Variants in CEP170B observed in about 807,000 individuals in gnomAD.
CEP170B encodes the protein centrosomal protein 170B.
Under a neutral mutation model 120.6 loss-of-function variants are expected in CEP170B, and 55 were observed. That is an observed-to-expected ratio of 0.46 (90% CI 0.37 to 0.57). CEP170B has a LOEUF of 0.57. Among genes scored for constraint, CEP170B ranks in the 20% least tolerant of loss-of-function variants. The pLI, the probability that CEP170B is intolerant of heterozygous loss-of-function variation, is 0.00. For missense variants in CEP170B, 2,212 were observed against 2,253.3 expected (o/e 0.98, Z 0.37); for synonymous variants, 1,033 against 954.5 (o/e 1.08, Z -1.52).
intron 6 of CEP170B, among the ~76,000 whole-genome samples, chr14:104,881,103 G>A (rs538061261): frequency 1.6e-4 from 25 of 152,324 alleles, no homozygotes; most frequent in Middle Eastern, 3.4e-3. Context: ...TCTGCAGACC[G>A]AGCCAGCAGG....
At position 104,868,309 on chromosome 14, in the gene CEP170B, T is replaced by G. The variant is rs529198410; in HGVS notation, c.-27-115T>G. 7 of 721,338 alleles carry G rather than the reference T, an allele frequency of 9.7e-6. No homozygotes were observed. In the South Asian group the frequency reaches 1.3e-4, roughly 14 times the overall value. 44.7% of individuals were successfully genotyped at this position (721,338 alleles called of 1,614,324 possible). A position where few individuals can be genotyped will look rare whatever the true frequency, so the allele number is the denominator to read the frequency against. Reference sequence around the variant, plus strand: ...CCTGATGAGGCTGGAGCCCAGCTTCTCCGGAAGCTGCCAGCTTCCCTTAGA... The same window carrying G: ...CCTGATGAGGCTGGAGCCCAGCTTCGCCGGAAGCTGCCAGCTTCCCTTAGA... On this transcript the variant is annotated intron_variant, in intron 1 of 18. Transcript: ENST00000414716. The surrounding 1 kb of genome is among the most constrained non-coding windows in gnomAD (Gnocchi z 5.9).
Position 104,893,514 on chromosome 14 carries a change from C to T in CEP170B, c.4039-9C>T. On this transcript the variant is annotated splice_polypyrimidine_tract_variant and intron_variant, in intron 14 of 18. Coordinates refer to ENST00000414716, the MANE Select transcript of CEP170B (RefSeq NM_001112726.3). Reference sequence around the variant, plus strand: ...CTGGGGCCCACGGTGCCGGCCCTCCCTCTTGCAGCTGGTGCAGCGCATCCC... The same window carrying T: ...CTGGGGCCCACGGTGCCGGCCCTCCTTCTTGCAGCTGGTGCAGCGCATCCC... The T allele has an allele frequency of 6.2e-7, 1 of 1,600,522 alleles. No individual in the cohort carries two copies. The highest frequency in any genetic ancestry group is 8.5e-7 in the Non-Finnish European group (1 of 1,175,284).
chr14:104,872,176 CGTGT>C, intron 2 of CEP170B, among the ~76,000 whole-genome samples: 1 of 129,874 alleles, frequency 7.7e-6, no homozygotes, highest in South Asian at 2.7e-4. Flanking sequence ...CGTGTGTGTG[CGTGT>C]GTGTGCTGTG....
Position 104,887,807 on chromosome 14 carries a change from C to T in CEP170B, c.3568C>T (p.Pro1190Ser), listed in dbSNP as rs901026651. ...FTGTSDPEAA[P>S]ARTSFSGRSV... Reference sequence around the variant, plus strand: ...AGGGACTAGTGACCCCGAGGCAGCCCCTGCCCGCACCAGCTTCTCTGGCCG... The same window carrying T: ...AGGGACTAGTGACCCCGAGGCAGCCTCTGCCCGCACCAGCTTCTCTGGCCG... The change falls in exon 12 of 19, where the codon CCT (proline) becomes TCT (serine). Residue 1190 changes from proline to serine, a missense_variant. Physicochemically the swap from Pro to Ser is moderately conservative, Grantham distance 74. Around this residue, in one of 2 missense-constraint regions of CEP170B, gnomAD observed 2,166 missense variants for 2,166.7 expected, o/e 1.00. Coordinates refer to ENST00000414716, the MANE Select transcript of CEP170B (RefSeq NM_001112726.3). The T allele has an allele frequency of 6.3e-7, 1 of 1,586,884 alleles. No individual in the cohort carries two copies. The highest frequency in any genetic ancestry group is 2.3e-5 in the East Asian group (1 of 43,760).
chr14:104,893,671 G>C lies in CEP170B; in HGVS notation c.4182+5G>C, dbSNP rs373290606. 1 of 1,584,026 alleles carries C rather than the reference G, an allele frequency of 6.3e-7. No homozygotes were observed. Among genetic ancestry groups the C allele is most frequent in the Non-Finnish European group, 8.6e-7 (1 of 1,166,326 alleles). On this transcript the variant is annotated splice_donor_5th_base_variant and intron_variant, in intron 15 of 18. Transcript: ENST00000414716. ...CGGCCTCGGAACCGAGAGGAGGCAC[G>C]GTGCCCACTACCGCCACGGAGCTGG...
At chr14:104,879,415 T>C (rs1007754385) in intron 5 of CEP170B, among the ~76,000 whole-genome samples, 1 of 152,166 alleles carries the variant, frequency 6.6e-6, no homozygotes, top group African/African-American at 2.4e-5. Flanking sequence ...CACTTCAGGC[T>C]GAGAGGATTT....
intron 13 of CEP170B, among the ~76,000 whole-genome samples, chr14:104,890,759 G>A (rs1380465200): frequency 7.3e-6 from 1 of 137,792 alleles, no homozygotes; most frequent in Non-Finnish European, 1.6e-5. Context: ...ATGAGTGAGT[G>A]GGTGGATGGA....
At position 104,884,386 on chromosome 14, in the gene CEP170B, G is replaced by T. The variant is rs1030024880; in HGVS notation, c.1607G>T (p.Ser536Ile). ...GCTCCCCTGACACCCCATGGGACCAGCCCCGTGGGCCCCCCGACCCCACCG... is the reference window on the plus strand; with the variant it reads ...GCTCCCCTGACACCCCATGGGACCATCCCCGTGGGCCCCCCGACCCCACCG... ...LPAPLTPHGT[S>I]PVGPPTPPPA... Residue 536 changes from serine (S) to isoleucine (I), a missense_variant, in exon 9 of 19, where the codon AGC becomes ATC. Coordinates refer to ENST00000414716, the MANE Select transcript of CEP170B (RefSeq NM_001112726.3). 1.8e-5 allele frequency: 28 copies of T among 1,547,018 alleles called. No individual in the cohort carries two copies. In the African/African-American group the frequency reaches 2.3e-4, roughly 13 times the overall value.
In CEP170B at chr14:104,865,478, G is replaced by T. The variant is rs1389490174; in HGVS notation, c.-63G>T. On this transcript the variant is annotated 5_prime_UTR_variant, in exon 1 of 19. Transcript: ENST00000414716. The surrounding 1 kb of genome is among the most constrained non-coding windows in gnomAD (Gnocchi z 6.7). ...GGACCAAGCCGGGGACCAAGCCGGG[G>T]ACTAAGGCGAGCCGGAGACCGAGCC... 6.6e-5 allele frequency: 10 copies of T among 150,544 alleles called. No homozygotes were observed. Among genetic ancestry groups the T allele is most frequent in the Non-Finnish European group, 1.5e-4 (10 of 67,422 alleles). 9.3% of individuals were successfully genotyped at this position (150,544 alleles called of 1,614,324 possible).
At chr14:104,873,012 G>A (rs1188522889) in intron 2 of CEP170B, among the ~76,000 whole-genome samples, 1 of 152,244 alleles carries the variant, frequency 6.6e-6, no homozygotes, top group East Asian at 1.9e-4. Flanking sequence ...TAAGTCTTGA[G>A]CCCTGGGCCG....
intron 2 of CEP170B, among the ~76,000 whole-genome samples, chr14:104,873,799 C>T (rs1437079345): frequency 1.3e-5 from 2 of 152,166 alleles, no homozygotes; most frequent in Non-Finnish European, 2.9e-5. Flanking sequence ...CCTTCATGCC[C>T]CTGCTGGACC....
intron 13 of CEP170B, among the ~76,000 whole-genome samples, chr14:104,892,477 C>G (rs1358980976): frequency 6.8e-6 from 1 of 147,612 alleles, no homozygotes; most frequent in East Asian, 1.9e-4. Context: ...GCCCCACCCT[C>G]TGCCCAGCCC....
intron 9 of CEP170B, among the ~76,000 whole-genome samples, chr14:104,885,068 C>T (rs909065093): frequency 6.8e-5 from 3 of 44,072 alleles, no homozygotes; most frequent in East Asian, 5.5e-4. Context: ...GAGGCGATGC[C>T]GGGGGTGGAG....
At chr14:104,873,121 AGC>A (rs1253281902) in intron 2 of CEP170B, among the ~76,000 whole-genome samples, 1 of 151,912 alleles carries the variant, frequency 6.6e-6, no homozygotes, top group African/African-American at 2.4e-5. Flanking sequence ...ATGTGTCTCC[AGC>A]GCTTCCTGCA....
chr14:104,886,328 A>G lies in CEP170B; in HGVS notation c.2089A>G (p.Met697Val). 1.9e-6 allele frequency: 3 copies of G among 1,555,758 alleles called. No homozygotes were observed. The highest frequency in any genetic ancestry group is 2.6e-6 in the Non-Finnish European group (3 of 1,154,746). ...GEPEGSLPVR[M>V]RRRLPQLPSE... The stretch of plus-strand genomic sequence containing the variant: ...GCCGGAGGGGTCCCTGCCTGTGCGC[A>G]TGCGGCGACGGCTCCCTCAGCTGCC... The change falls in exon 12 of 19, where the codon ATG (methionine) becomes GTG (valine). Residue 697 changes from methionine to valine, a missense_variant. Physicochemically the swap from Met to Val is conservative, Grantham distance 21 (BLOSUM62 1). Around this residue, in one of 2 missense-constraint regions of CEP170B, gnomAD observed 2,166 missense variants for 2,166.7 expected, o/e 1.00. Transcript: ENST00000414716.
intron 6 of CEP170B, among the ~76,000 whole-genome samples, chr14:104,882,513 G>C (rs1174925096): frequency 6.6e-6 from 1 of 152,156 alleles, no homozygotes; most frequent in East Asian, 1.9e-4. Flanking sequence ...TGTGGGAGGA[G>C]GTGGGGCCAG....
In CEP170B at chr14:104,884,171, C is replaced by A. The variant is rs368962009; in HGVS notation, c.1392C>A (p.Ala464=). ...AGGRSSGPQR[A]GSLKREKTEE... ...GCCGCAGCTCGGGGCCACAGAGGGC[C>A]GGCTCGCTCAAGCGGGAGAAGACAG... The change falls in exon 9 of 19, where the codon GCC becomes GCA. Residue 464 remains alanine, a synonymous_variant. Coordinates refer to ENST00000414716, the MANE Select transcript of CEP170B (RefSeq NM_001112726.3). 3 of 1,548,946 alleles carry A rather than the reference C, an allele frequency of 1.9e-6. No homozygotes were observed. Among genetic ancestry groups the A allele is most frequent in the Non-Finnish European group, 2.6e-6 (3 of 1,148,744 alleles).
At chr14:104,889,866 A>G (rs1896702747) in intron 13 of CEP170B, 108 bp downstream of exon 13, 1 of 1,170,296 alleles carries the variant, frequency 8.5e-7, no homozygotes, top group Admixed American at 2.3e-5. Context: ...GAGTGGATAG[A>G]TGGTACGGCA....
chr14:104,888,575 C>A (rs1896638040), intron 12 of CEP170B, among the ~76,000 whole-genome samples: 1 of 152,238 alleles, frequency 6.6e-6, no homozygotes, highest in South Asian at 2.1e-4. Context: ...CTGTGGCCAC[C>A]AGAGCTGGCC....
Sources: allele counts gnomAD v4.1 joint callset (sites outside exome capture counted in the v4.1 genomes callset), GRCh38; gene constraint gnomAD v4.1.1; regional missense constraint gnomAD v4.1.1; non-coding constraint Gnocchi (gnomAD v3.1); transcripts MANE v1.5; gene names NCBI Gene and HGNC (gene_info 2026-07-23, HGNC 2026-07-21).